The following NR4A1 variants were observed in gnomAD, a reference collection of about 807,000 sequenced individuals.
NR4A1 encodes nuclear receptor subfamily 4 group A member 1, also known as nuclear receptor subfamily 4immunitygroup A member 1.
In NR4A1, 24 loss-of-function variants were observed where a neutral mutation model predicts 47.5. The ratio of observed to expected loss-of-function variants is 0.50; its 90% CI spans 0.37 to 0.71. NR4A1 has a LOEUF of 0.71. Among genes scored for constraint, NR4A1 ranks in the 30% least tolerant of loss-of-function variants. NR4A1 has a pLI of 0.00. For synonymous variants in NR4A1, 353 were observed against 345.7 expected (o/e 1.02, Z -0.24); for missense variants, 669 against 788.6 (o/e 0.85, Z 1.82).
intron 1 of NR4A1, among the ~76,000 whole-genome samples, chr12:52,025,482 T>C (rs1272597143): frequency 6.6e-6 from 1 of 152,154 alleles, no homozygotes; most frequent in Non-Finnish European, 1.5e-5. Context: ...GGTAGGGGCC[T>C]TTCTTTTCCT....
intron 1 of NR4A1, among the ~76,000 whole-genome samples, chr12:52,041,490 T>A (rs1261792276): frequency 6.6e-6 from 1 of 152,154 alleles, no homozygotes; most frequent in African/African-American, 2.4e-5. Context: ...CATGCCCTTT[T>A]GTGCATGTCA....
intron 1 of NR4A1, among the ~76,000 whole-genome samples, chr12:52,040,397 C>G (rs1226997916): frequency 6.6e-6 from 1 of 152,128 alleles, no homozygotes; most frequent in Non-Finnish European, 1.5e-5. Context: ...CCCTCCCTAC[C>G]CTTCCTCCTC....
chr12:52,047,581 G>A (rs1465827278), upstream of NR4A1, among the ~76,000 whole-genome samples: 2 of 152,268 alleles, frequency 1.3e-5, no homozygotes, highest in African/African-American at 4.8e-5. Context: ...GGTGGCAGCT[G>A]TAGTTCCTTA....
At chr12:52,053,138 C>G (rs2603760) in intron 1 of NR4A1, among the ~76,000 whole-genome samples, 2 of 152,104 alleles carry the variant, frequency 1.3e-5, no homozygotes, top group Admixed American at 6.5e-5. Context: ...GCCAGAGTTA[C>G]GCAGACCCCA....
Position 52,055,080 on chromosome 12 carries a change from C to A in NR4A1, c.752C>A (p.Thr251Asn). 1 of 1,614,250 alleles carries A rather than the reference C, an allele frequency of 6.2e-7. No homozygotes were observed. The highest frequency in any genetic ancestry group is 1.7e-5 in the Admixed American group (1 of 60,030). The change falls in exon 2 of 7, where the codon ACC becomes AAC. Residue 251 changes from threonine (T) to asparagine (N), a missense_variant. Coordinates refer to ENST00000394825, the MANE Select transcript of NR4A1 (RefSeq NM_173157.3). The part of the protein sequence containing the change: ...EGSGILDTPV[T>N]STKARSGAPG... ...TCGGGGATACTGGATACACCCGTGA[C>A]CTCAACCAAGGCCCGGAGCGGGGCC... is the stretch of plus-strand genomic sequence containing the variant.
rs577900502 is a variant in NR4A1, at chr12:52,054,813, C to T, written c.485C>T (p.Ser162Leu). Residue 162 changes from serine to leucine, a missense_variant, in exon 2 of 7, where the codon TCG becomes TTG. Coordinates refer to ENST00000394825, the MANE Select transcript of NR4A1 (RefSeq NM_173157.3). ...TGGGATGGCTCCTTCGGCCACTTCT[C>T]GCCCAGCCAGACTTACGAAGGCCTG... ...SPWDGSFGHFSPSQTYEGLRA... is the reference protein window; with the variant it reads ...SPWDGSFGHFLPSQTYEGLRA... 1.4e-5 allele frequency: 23 copies of T among 1,613,534 alleles called. No homozygotes were observed. Among genetic ancestry groups the T allele is most frequent in the East Asian group, 1.1e-4 (5 of 44,876 alleles).
chr12:52,025,539 G>A (rs956176642), intron 1 of NR4A1, among the ~76,000 whole-genome samples: 1 of 152,174 alleles, frequency 6.6e-6, no homozygotes, highest in Non-Finnish European at 1.5e-5. Context: ...CGCAGAAGCC[G>A]TCTCTGGCCG....
At chr12:52,023,591 C>A (rs957642502) in intron 1 of NR4A1, among the ~76,000 whole-genome samples, 11 of 152,190 alleles carry the variant, frequency 7.2e-5, no homozygotes, top group Admixed American at 3.3e-4. Context: ...GCGCTCCCAG[C>A]CGCAGACACG....
intron 2 of NR4A1, chr12:52,045,701 T>C: frequency 3.2e-6 from 1 of 315,872 alleles, no homozygotes; most frequent in Non-Finnish European, 6.6e-6. Context: ...CTCTTCCATA[T>C]TTCGCCCCTG....
intron 2 of NR4A1, 197 bp downstream of exon 2, chr12:52,055,401 AC>A: frequency 1.5e-6 from 1 of 672,076 alleles, no homozygotes; most frequent in Non-Finnish European, 2.5e-6. Flanking sequence ...TTGCCGGGAC[AC>A]TCGGGCCCAT....
At chr12:52,024,740 A>C (rs1937969609) in intron 1 of NR4A1, among the ~76,000 whole-genome samples, 1 of 152,152 alleles carries the variant, frequency 6.6e-6, no homozygotes, top group African/African-American at 2.4e-5. Flanking sequence ...GAAAACAAAA[A>C]ACCAAAAAGA....
upstream of NR4A1, among the ~76,000 whole-genome samples, chr12:52,047,349 C>T (rs886295780): frequency 2.6e-5 from 4 of 152,230 alleles, no homozygotes; most frequent in African/African-American, 7.2e-5. Flanking sequence ...CTCTCAGAGG[C>T]CCAGGCCATT....
In NR4A1 at chr12:52,055,180, T is replaced by C; in HGVS notation, c.852T>C (p.Cys284=). ...GCCAGCATTATGGTGTCCGCACATG[T>C]GAGGGCTGCAAGGGCTTCTTCAAGG... ...ASCQHYGVRT[C]EGCKGFFKRT... is the part of the protein sequence containing the mutation. Residue 284 remains cysteine, a synonymous_variant, in exon 2 of 7, where the codon TGT becomes TGC. Coordinates refer to ENST00000394825, the MANE Select transcript of NR4A1 (RefSeq NM_173157.3). 1.2e-6 allele frequency: 2 copies of C among 1,613,550 alleles called. No individual in the cohort carries two copies. The highest frequency in any genetic ancestry group is 1.7e-6 in the Non-Finnish European group (2 of 1,180,036).
rs558224052 is a variant in NR4A1, at chr12:52,056,793, G to A, written c.1158+148G>A. ...AAAGAAAAGCGACTCCCTCCAGTTC[G>A]ACAGATCAAAGAGAGGATCCCCCTC... is the stretch of plus-strand genomic sequence containing the variant. On this transcript the variant is annotated intron_variant, in intron 4 of 6. Coordinates refer to ENST00000394825, the MANE Select transcript of NR4A1 (RefSeq NM_173157.3). The A allele has an allele frequency of 3.0e-4, 290 of 968,826 alleles. 4 individuals are homozygous for A. The Middle Eastern group carries it at 3.7e-3, about 12-fold the overall frequency. 60.0% of individuals were successfully genotyped at this position (968,826 alleles called of 1,614,324 possible).
upstream of NR4A1, among the ~76,000 whole-genome samples, chr12:52,046,976 T>C (rs4762047): frequency 6.6e-6 from 1 of 151,850 alleles, no homozygotes; most frequent in African/African-American, 2.4e-5. Flanking sequence ...TTATATGGGG[T>C]CGGTGGGGAA....
Position 52,054,458 on chromosome 12 carries a change from C to T in NR4A1, c.130C>T (p.Pro44Ser). Residue 44 changes from proline to serine, a missense_variant, in exon 2 of 7, where the codon CCC becomes TCC. Pro to Ser is a moderately conservative substitution (Grantham distance 74). Coordinates refer to ENST00000394825, the MANE Select transcript of NR4A1 (RefSeq NM_173157.3). ...TMDLASPEAA[P>S]AAPTALPSFS... ...GGACCTGGCCAGCCCCGAGGCAGCC[C>T]CCGCTGCCCCCACTGCCCTGCCCAG... 2 of 1,613,778 alleles carry T rather than the reference C, an allele frequency of 1.2e-6. No homozygotes were observed. Among genetic ancestry groups the T allele is most frequent in the Middle Eastern group, 1.6e-4 (1 of 6,062 alleles).
At chr12:52,026,532 G>A (rs2120904874) in intron 1 of NR4A1, among the ~76,000 whole-genome samples, 1 of 152,196 alleles carries the variant, frequency 6.6e-6, no homozygotes, top group South Asian at 2.1e-4. Flanking sequence ...AACTCAGGGA[G>A]GTAGGTCATA....
Position 52,058,789 on chromosome 12 carries a change from C to T in NR4A1, c.1642C>T (p.Pro548Ser). ...GGCAGCTGTGGCGGGCGAGCCCCAG[C>T]CAGCCAGCTGCCTGTCACGTCTGTT... ...HVAAVAGEPQ[P>S]ASCLSRLLGK... Residue 548 changes from proline to serine, a missense_variant, in exon 7 of 7, where the codon CCA (proline) becomes TCA (serine). Coordinates refer to ENST00000394825, the MANE Select transcript of NR4A1 (RefSeq NM_173157.3). The T allele has an allele frequency of 1.2e-6, 2 of 1,612,218 alleles. No homozygotes were observed. The highest frequency in any genetic ancestry group is 1.7e-6 in the Non-Finnish European group (2 of 1,179,668).
At chr12:52,052,304 T>TGAGAGA (rs1555168682) in intron 1 of NR4A1, among the ~76,000 whole-genome samples, 62 of 70,648 alleles carry the variant, frequency 8.8e-4, no homozygotes, top group African/African-American at 2.8e-3. Flanking sequence ...TGTGTGTGTG[T>TGAGAGA]GAGAGAGAGA....
Sources: allele counts gnomAD v4.1 joint callset (sites outside exome capture counted in the v4.1 genomes callset), GRCh38; gene constraint gnomAD v4.1.1; transcripts MANE v1.5; gene names NCBI Gene and HGNC (gene_info 2026-07-23, HGNC 2026-07-21).